TENM2: variants seen among roughly 807,000 people sequenced by gnomAD.
TENM2 encodes the protein teneurin transmembrane protein 2.
Under a neutral mutation model 245.2 loss-of-function variants are expected in TENM2, and 52 were observed. That is an observed-to-expected ratio of 0.21 (90% CI 0.17 to 0.27). TENM2 has a LOEUF of 0.27. Among genes scored for constraint, TENM2 ranks in the 10% least tolerant of loss-of-function variants. The pLI, the probability that TENM2 is intolerant of heterozygous loss-of-function variation, is 1.00. For synonymous variants in TENM2, 1,363 were observed against 1,438.9 expected (o/e 0.95, Z 1.19); for missense variants, 3,046 against 3,666.8 (o/e 0.83, Z 4.37).
intron 2 of TENM2, among the ~76,000 whole-genome samples, chr5:167,525,635 A>T (rs1771061364): frequency 6.6e-6 from 1 of 152,114 alleles, no homozygotes; most frequent in Non-Finnish European, 1.5e-5. Flanking sequence ...GACCTATAGG[A>T]CCAATTCTAA....
At chr5:167,895,991 A>C (rs145865379) in intron 3 of TENM2, among the ~76,000 whole-genome samples, 12 of 152,384 alleles carry the variant, frequency 7.9e-5, no homozygotes, top group Non-Finnish European at 1.3e-4. Flanking sequence ...ACTTGGCCTT[A>C]AGGGTACTTT....
chr5:167,136,399 C>A, the TENM2 span, among the ~76,000 whole-genome samples: 1 of 152,228 alleles, frequency 6.6e-6, no homozygotes, highest in South Asian at 2.1e-4. Flanking sequence ...AATGGCAATG[C>A]CACCAGGTTG....
At chr5:167,936,594 G>A (rs1455826589) in intron 3 of TENM2, among the ~76,000 whole-genome samples, 1 of 152,180 alleles carries the variant, frequency 6.6e-6, no homozygotes, top group Non-Finnish European at 1.5e-5. Context: ...ATTGAAGCAA[G>A]TCTATCCTAT....
intron 4 of TENM2, among the ~76,000 whole-genome samples, chr5:167,968,678 G>C (rs1478723982): frequency 6.6e-6 from 1 of 152,144 alleles, no homozygotes; most frequent in Non-Finnish European, 1.5e-5. Context: ...TATGTTCTTA[G>C]ATAAGAATTT....
intron 5 of TENM2, among the ~76,000 whole-genome samples, chr5:168,046,596 A>G (rs765185426): frequency 4.6e-5 from 7 of 152,220 alleles, no homozygotes; most frequent in Non-Finnish European, 1.0e-4. Flanking sequence ...AAGGAAGACC[A>G]GAAGTTTGTT....
intron 2 of TENM2, among the ~76,000 whole-genome samples, chr5:167,583,581 G>A (rs1349072062): frequency 6.6e-6 from 1 of 151,770 alleles, no homozygotes; most frequent in East Asian, 1.9e-4. Context: ...ACCATATGGA[G>A]AATTTAGAAG....
chr5:167,318,024 C>T (rs552894822), intron 1 of TENM2, among the ~76,000 whole-genome samples: 16 of 152,202 alleles, frequency 1.1e-4, no homozygotes, highest in African/African-American at 3.9e-4. Context: ...GTGGGAGCTC[C>T]CTAAAGTGGA....
chr5:168,123,495 G>T (rs1383153837), intron 10 of TENM2, among the ~76,000 whole-genome samples: 1 of 152,188 alleles, frequency 6.6e-6, no homozygotes, highest in Non-Finnish European at 1.5e-5. Flanking sequence ...TGGAAGGAGA[G>T]AAAACAAAAT....
At chr5:167,893,112 T>A (rs1156347226) in intron 3 of TENM2, among the ~76,000 whole-genome samples, 2 of 152,178 alleles carry the variant, frequency 1.3e-5, no homozygotes, top group Non-Finnish European at 2.9e-5. Context: ...TTATTCTTCA[T>A]CGGCACCTCC....
intron 7 of TENM2, among the ~76,000 whole-genome samples, chr5:168,069,093 A>G (rs1372073076): frequency 6.6e-6 from 1 of 152,150 alleles, no homozygotes; most frequent in Non-Finnish European, 1.5e-5. Flanking sequence ...ATTATGGGAC[A>G]TATTACACAT....
intron 2 of TENM2, among the ~76,000 whole-genome samples, chr5:167,821,698 T>G (rs930031474): frequency 2.6e-5 from 4 of 152,324 alleles, no homozygotes; most frequent in Admixed American, 6.5e-5. Flanking sequence ...TTTGGAAATT[T>G]TTTTTGTTAT....
At chr5:167,727,743 C>A (rs1760127735) in intron 2 of TENM2, among the ~76,000 whole-genome samples, 1 of 152,118 alleles carries the variant, frequency 6.6e-6, no homozygotes, top group South Asian at 2.1e-4. Flanking sequence ...TACTACAGCA[C>A]CATTATGCAG....
At chr5:167,898,991 A>C (rs562278104) in intron 3 of TENM2, among the ~76,000 whole-genome samples, 18 of 152,090 alleles carry the variant, frequency 1.2e-4, no homozygotes, top group Admixed American at 1.0e-3. Flanking sequence ...ATTTCAGGGA[A>C]GAGAGGCAAG....
At chr5:167,060,319 G>A in the TENM2 span, among the ~76,000 whole-genome samples, 1 of 151,948 alleles carries the variant, frequency 6.6e-6, no homozygotes, top group Non-Finnish European at 1.5e-5. Context: ...ACAAATATGA[G>A]CCACGAATAT....
chr5:167,070,985 C>T, the TENM2 span, among the ~76,000 whole-genome samples: 1 of 152,094 alleles, frequency 6.6e-6, no homozygotes, highest in African/African-American at 2.4e-5. Flanking sequence ...AATTGGTGAT[C>T]TAGCTGAGAC....
chr5:167,236,357 C>G, the TENM2 span, among the ~76,000 whole-genome samples: 2 of 152,034 alleles, frequency 1.3e-5, no homozygotes, highest in Non-Finnish European at 2.9e-5. Context: ...TGGACAGCTA[C>G]TATCATTTCT....
Position 167,521,298 on chromosome 5 carries a change from A to G in TENM2, c.502+145825A>G, listed in dbSNP as rs145233360. Among the ~76,000 whole-genome samples, 655 of 152,288 alleles carry G rather than the reference A, an allele frequency of 4.3e-3. 4 individuals are homozygous for G. The highest frequency in any genetic ancestry group is 0.019 in the East Asian group (96 of 5,180). ...AATGCAAGTATATCACTACTCAAAT[A>G]TTCACATTTTTTTCCTTAAGGCAAG... On this transcript the variant is annotated intron_variant, in intron 2 of 28. Coordinates refer to ENST00000518659, the Ensembl canonical transcript of TENM2.
chr5:167,512,074 G>A (rs1485396024), intron 2 of TENM2, among the ~76,000 whole-genome samples: 2 of 152,128 alleles, frequency 1.3e-5, no homozygotes, highest in African/African-American at 4.8e-5. Context: ...GTCAGAATTG[G>A]ATTGTGAAGC....
intron 2 of TENM2, chr5:167,660,003 A>G (rs1755100780): frequency 6.6e-6 from 1 of 152,190 alleles, no homozygotes; most frequent in South Asian, 2.1e-4. Flanking sequence ...TTAAATGACA[A>G]CAGTTAATTA....
Sources: gnomAD v4.1 joint callset for allele counts (sites outside exome capture counted in the v4.1 genomes callset) on GRCh38, gnomAD v4.1.1 for gene constraint, MANE v1.5 for transcripts, NCBI Gene and HGNC (gene_info 2026-07-23, HGNC 2026-07-21) for gene names.